Variants in PIP4K2A observed in about 807,000 individuals in gnomAD.
PIP4K2A encodes phosphatidylinositol 5-phosphate 4-kinase type-2 alpha.
A neutral mutation model predicts 42.9 loss-of-function variants in PIP4K2A; 14 were observed. The observed-to-expected ratio is 0.33, with a 90% confidence interval of 0.22 to 0.51. The LOEUF is 0.51. PIP4K2A is among the 20% of genes least tolerant of loss of function. The probability of loss-of-function intolerance (pLI) is 0.97; values close to 1 mark genes in which losing one functional copy is unlikely to be tolerated. For synonymous variants in PIP4K2A, 192 were observed against 192.2 expected, an observed-to-expected ratio of 1.00 and a Z score of 0.01; for missense variants, 434 against 519.8, an observed-to-expected ratio of 0.83 and a Z score of 1.61.
intron 1 of PIP4K2A, among the ~76,000 whole-genome samples, chr10:22,619,609 G>A (rs978190534): frequency 6.6e-6 from 1 of 151,810 alleles, no homozygotes; most frequent in Non-Finnish European, 1.5e-5. Flanking sequence ...GCTAGTTTTT[G>A]TATTTTTAGT....
intron 4 of PIP4K2A, among the ~76,000 whole-genome samples, chr10:22,590,593 G>T: frequency 6.6e-6 from 1 of 152,180 alleles, no homozygotes; most frequent in East Asian, 1.9e-4. Flanking sequence ...GCAGGGTGTG[G>T]AGGCTCACAC....
Position 22,539,905 on chromosome 10 carries a change from GAGAGAGGGA to G in PIP4K2A, c.1140+57_1140+65del, listed in dbSNP as rs1836053688. The G allele has an allele frequency of 5.4e-5, 12 of 222,458 alleles. No individual in the cohort carries two copies. The East Asian group carries it at 9.0e-4, about 17-fold the overall frequency. 13.8% of individuals were successfully genotyped at this position (222,458 alleles called of 1,614,324 possible). A position where few individuals can be genotyped will look rare whatever the true frequency, so the allele number is the denominator to read the frequency against. The stretch of plus-strand genomic sequence containing the variant: ...GAGCCAGGAGAGAGAGAGAGAGAGA[GAGAGAGGGA>G]GAGAGAGAGAGAGAGAGGGAGAGAA... On this transcript the variant is annotated intron_variant, in intron 9 of 9. Transcript: ENST00000376573.
At chr10:22,614,788 T>A (rs77362327) in intron 1 of PIP4K2A, among the ~76,000 whole-genome samples, 1,649 of 152,324 alleles carry the variant, frequency 0.011, 19 homozygotes, top group Middle Eastern at 0.041. Flanking sequence ...TGAAAAACTC[T>A]CTCCTTTAGC....
At chr10:22,579,676 AG>A (rs1257603371) in intron 4 of PIP4K2A, among the ~76,000 whole-genome samples, 1 of 151,860 alleles carries the variant, frequency 6.6e-6, no homozygotes, top group Non-Finnish European at 1.5e-5. Flanking sequence ...GAGGCAGGGG[AG>A]GGTGGATTAC....
At chr10:22,706,921 A>G (rs1833833856) in intron 1 of PIP4K2A, among the ~76,000 whole-genome samples, 1 of 152,204 alleles carries the variant, frequency 6.6e-6, no homozygotes, top group Admixed American at 6.5e-5. Flanking sequence ...ACTACAAAAC[A>G]GGATAAAGTA....
At chr10:22,538,297 C>G (rs895927878) in intron 9 of PIP4K2A, among the ~76,000 whole-genome samples, 4 of 150,976 alleles carry the variant, frequency 2.6e-5, no homozygotes, top group Non-Finnish European at 5.9e-5. Flanking sequence ...GTGTGGCACA[C>G]TATGGAGGCG....
intron 1 of PIP4K2A, among the ~76,000 whole-genome samples, chr10:22,664,092 T>TATATATATATACGTATATATATAC (rs1839273592): frequency 6.4e-5 from 4 of 62,906 alleles, no homozygotes; most frequent in Non-Finnish European, 2.7e-5. Context: ...TATATATACA[T>TATATATATATACGTATATATATAC]ATATATATAT....
rs78808728 is a variant in PIP4K2A at position 22,711,609 on chromosome 10, A to G, written c.144+2574T>C. Among the ~76,000 whole-genome samples the G allele has an allele frequency of 8.5e-5, 13 of 152,390 alleles. No homozygotes were observed. In the East Asian group the frequency reaches 2.3e-3, roughly 27 times the overall value. On this transcript the variant is annotated intron_variant, in intron 1 of 9. Coordinates refer to ENST00000376573, the MANE Select transcript of PIP4K2A (RefSeq NM_005028.5). ...TGACCTTAACATGCCCAAGGTCAACAGTTAGAATTTAAGAAAAACTTAAAG... is the reference window on the plus strand; with the variant it reads ...TGACCTTAACATGCCCAAGGTCAACGGTTAGAATTTAAGAAAAACTTAAAG...
chr10:22,617,583 C>T (rs765343032), intron 1 of PIP4K2A, among the ~76,000 whole-genome samples: 1 of 152,204 alleles, frequency 6.6e-6, no homozygotes, highest in African/African-American at 2.4e-5. Context: ...AAGCCTCTCA[C>T]ATGTAGAGGA....
intron 1 of PIP4K2A, among the ~76,000 whole-genome samples, chr10:22,638,921 A>T (rs1750774): frequency 0.073 from 10,983 of 150,510 alleles, 619 homozygotes; most frequent in African/African-American, 0.16. Context: ...AGTCTTCTTC[A>T]GACAGTGTTT....
chr10:22,578,922 A>C (rs1837188167), intron 4 of PIP4K2A, among the ~76,000 whole-genome samples: 1 of 152,210 alleles, frequency 6.6e-6, no homozygotes, highest in African/African-American at 2.4e-5. Context: ...TCTCTTTATA[A>C]TTAACACCAT....
intron 1 of PIP4K2A, among the ~76,000 whole-genome samples, chr10:22,647,874 G>A (rs1156800016): frequency 6.6e-6 from 1 of 152,206 alleles, no homozygotes; most frequent in South Asian, 2.1e-4. Flanking sequence ...TGGAAGCAGA[G>A]AGCTGGGAAA....
intron 6 of PIP4K2A, among the ~76,000 whole-genome samples, chr10:22,554,817 T>C (rs972647275): frequency 2.0e-5 from 3 of 152,242 alleles, no homozygotes; most frequent in East Asian, 1.9e-4. Flanking sequence ...CGTCCTCCTC[T>C]GTGCGTCTAG....
At chr10:22,566,844 C>T (rs1196590927) in intron 6 of PIP4K2A, among the ~76,000 whole-genome samples, 4 of 152,184 alleles carry the variant, frequency 2.6e-5, no homozygotes, top group African/African-American at 7.2e-5. Context: ...AGTGTCCTGT[C>T]CAAGTGTTCA....
intron 1 of PIP4K2A, chr10:22,646,263 C>T (rs968856316): frequency 1.3e-5 from 2 of 152,176 alleles, no homozygotes; most frequent in Non-Finnish European, 2.9e-5. Flanking sequence ...TTGCTTGTCC[C>T]TAAAGTTGGC....
chr10:22,587,887 C>T (rs75563599), intron 4 of PIP4K2A, among the ~76,000 whole-genome samples: 9,653 of 152,300 alleles, frequency 0.063, 402 homozygotes, highest in Middle Eastern at 0.15. Flanking sequence ...CGGACTGCAT[C>T]TTCCTTCATG....
intron 5 of PIP4K2A, among the ~76,000 whole-genome samples, chr10:22,568,664 C>G (rs1247592931): frequency 6.6e-6 from 1 of 152,182 alleles, no homozygotes; most frequent in Non-Finnish European, 1.5e-5. Flanking sequence ...TGACCTGAGT[C>G]TACCTCGGAG....
chr10:22,637,687 C>A (rs978521196), intron 1 of PIP4K2A, among the ~76,000 whole-genome samples: 1 of 152,158 alleles, frequency 6.6e-6, no homozygotes, highest in Non-Finnish European at 1.5e-5. Flanking sequence ...GTAAAGTGCA[C>A]CGGCCAAAAG....
intron 4 of PIP4K2A, among the ~76,000 whole-genome samples, chr10:22,587,064 G>C (rs1458995651): frequency 2.0e-5 from 3 of 152,156 alleles, no homozygotes; most frequent in African/African-American, 7.2e-5. Context: ...TGCCATCCCA[G>C]ATTGCTGGGA....
Sources: allele counts gnomAD v4.1 joint callset (sites outside exome capture counted in the v4.1 genomes callset), GRCh38; gene constraint gnomAD v4.1.1; transcripts MANE v1.5; gene names NCBI Gene and HGNC (gene_info 2026-07-23, HGNC 2026-07-21).